Variants in FAM120AOS observed in about 807,000 individuals in gnomAD.
FAM120AOS encodes uncharacterized protein FAM120AOS.
A neutral mutation model predicts 20.2 loss-of-function variants in FAM120AOS; 15 were observed. The observed-to-expected ratio is 0.74, with a 90% CI of 0.50 to 1.15. The LOEUF is 1.15. Ranked by LOEUF, FAM120AOS falls within the 50% of genes most tolerant of loss-of-function variation. FAM120AOS has a pLI of 0.00. For synonymous variants in FAM120AOS, 154 were observed against 154.0 expected, an observed-to-expected ratio of 1.00 and a Z score of 0.00; for missense variants, 327 against 351.9, an observed-to-expected ratio of 0.93 and a Z score of 0.57.
intron 2 of FAM120AOS, among the ~76,000 whole-genome samples, chr9:93,449,030 C>T (rs1410813665): frequency 6.6e-6 from 1 of 151,650 alleles, no homozygotes; most frequent in Admixed American, 6.6e-5. Context: ...AACATTTTGC[C>T]CACCATCAAT....
intron 2 of FAM120AOS, among the ~76,000 whole-genome samples, chr9:93,449,843 C>T (rs1290713727): frequency 2.6e-5 from 4 of 152,076 alleles, no homozygotes; most frequent in South Asian, 4.2e-4. Flanking sequence ...GGTAAATACA[C>T]GGAATGCAAT....
rs1427915709 is a variant in FAM120AOS, at chr9:93,443,921, A to C, written c.*3690T>G. Among the ~76,000 whole-genome samples the C allele has an allele frequency of 6.6e-6, 1 of 152,232 alleles. No individual in the cohort carries two copies. Among genetic ancestry groups the C allele is most frequent in the Non-Finnish European group, 1.5e-5 (1 of 68,034 alleles). On this transcript the variant is annotated 3_prime_UTR_variant, in exon 3 of 3. Transcript: ENST00000375412. ...TTGCCAAAAGGAACGCCCCTCAGGC[A>C]GAAAGCAGAGAGAGAAAAAAAGATG...
rs1205748745 is a variant in FAM120AOS, at chr9:93,446,996, G to A, written c.*615C>T. The A allele has an allele frequency of 6.6e-6, 1 of 152,568 alleles. No homozygotes were observed. Among genetic ancestry groups the A allele is most frequent in the African/African-American group, 2.4e-5 (1 of 41,458 alleles). The allele number at this position is 152,568 out of a possible 1,614,324, so 9.5% of individuals were successfully genotyped here. On this transcript the variant is annotated 3_prime_UTR_variant, in exon 3 of 3. Transcript: ENST00000375412. ...GTGCTTATGAAGCAGTATCCCTACT[G>A]ACAATGACCCTAGCTTAAGAGGGCT... is the stretch of plus-strand genomic sequence containing the variant.
At chr9:93,451,830 C>T (rs1215948677) in intron 1 of FAM120AOS, 2 of 967,266 alleles carry the variant, frequency 2.1e-6, no homozygotes, top group Non-Finnish European at 2.4e-6. Flanking sequence ...CGCCCCCGCC[C>T]GCCAGCCCGC....
Position 93,452,203 on chromosome 9 carries a change from C to T in FAM120AOS, c.507G>A (p.Leu169=), listed in dbSNP as rs1857268226. The part of the protein sequence containing the change: ...SCSRAFSSAP[L]KKTKSSMLPP... ...GCAACATCGAGCTCTTCGTCTTCTT[C>T]AACGGCGCGCTCGAGAAGGCCCGGC... is the stretch of plus-strand genomic sequence containing the variant. Residue 169 remains leucine, a synonymous_variant, in exon 1 of 3, where the codon TTG becomes TTA. Transcript: ENST00000375412. The surrounding 1 kb of genome is among the most constrained non-coding windows in gnomAD (Gnocchi z 7.0). 5 of 1,611,610 alleles carry T rather than the reference C, an allele frequency of 3.1e-6. No individual in the cohort carries two copies. Among genetic ancestry groups the T allele is most frequent in the Non-Finnish European group, 4.2e-6 (5 of 1,179,712 alleles).
rs71364380 is a variant in FAM120AOS, at chr9:93,445,583, GTTTTTTTTTTTTTTT to G, written c.*2013_*2027del. ...TTCTCCAACTTTCATAAAAATCGTT[GTTTTTTTTTTTTTTT>G]TTTTTTTTTGAGACAAGGCCTCACT... is the stretch of plus-strand genomic sequence containing the variant. On this transcript the variant is annotated 3_prime_UTR_variant, in exon 3 of 3. Coordinates refer to ENST00000375412, the MANE Select transcript of FAM120AOS (RefSeq NM_198841.4). Among the ~76,000 whole-genome samples, 1 of 80,098 alleles carries G rather than the reference GTTTTTTTTTTTTTTT, an allele frequency of 1.2e-5. No homozygotes were observed. The highest frequency in any genetic ancestry group is 2.2e-5 in the Non-Finnish European group (1 of 44,654). The allele number at this position is 80,098 out of a possible 152,430, so 52.5% of individuals were successfully genotyped here.
At chr9:93,451,249 A>C in intron 1 of FAM120AOS, 1 of 1,509,176 alleles carries the variant, frequency 6.6e-7, no homozygotes, top group South Asian at 1.2e-5. Flanking sequence ...CCCGACGAAC[A>C]GAGTGACTCG....
At position 93,447,287 on chromosome 9, in the gene FAM120AOS, T is replaced by G; in HGVS notation, c.*324A>C. The G allele has an allele frequency of 3.9e-6, 1 of 253,390 alleles. No homozygotes were observed. Among genetic ancestry groups the G allele is most frequent in the Non-Finnish European group, 7.7e-6 (1 of 130,224 alleles). The allele number at this position is 253,390 out of a possible 1,614,324, so 15.7% of individuals were successfully genotyped here. ...GTAGGTTGGGCTCCTTGAAGAAGGG[T>G]TATGTTTTCTTCATCTCCATATCCC... On this transcript the variant is annotated 3_prime_UTR_variant, in exon 3 of 3. Coordinates refer to ENST00000375412, the MANE Select transcript of FAM120AOS (RefSeq NM_198841.4).
rs1302518106 is a variant in FAM120AOS, at chr9:93,445,341, G to C, written c.*2270C>G. Among the ~76,000 whole-genome samples the C allele has an allele frequency of 6.6e-6, 1 of 152,096 alleles. No homozygotes were observed. The highest frequency in any genetic ancestry group is 1.5e-5 in the Non-Finnish European group (1 of 68,020). On this transcript the variant is annotated 3_prime_UTR_variant, in exon 3 of 3. Coordinates refer to ENST00000375412, the MANE Select transcript of FAM120AOS (RefSeq NM_198841.4). ...GGTGAGATCGTCAATCCAGGAACCTGTTTCCCCATATTAAAGTCAAAGGAA... is the reference window on the plus strand; with the variant it reads ...GGTGAGATCGTCAATCCAGGAACCTCTTTCCCCATATTAAAGTCAAAGGAA...
At chr9:93,447,727 A>G in intron 2 of FAM120AOS, 30 bp from the exon 3 acceptor site, 1 of 1,570,168 alleles carries the variant, frequency 6.4e-7, no homozygotes, top group Non-Finnish European at 8.7e-7. Flanking sequence ...GGTAGTTTAT[A>G]TATTAGTTTG....
At chr9:93,447,780 T>C in intron 2 of FAM120AOS, 83 bp from the exon 3 acceptor site, 3 of 1,207,436 alleles carry the variant, frequency 2.5e-6, no homozygotes, top group South Asian at 1.3e-5. Flanking sequence ...AGTCCGAATA[T>C]TGATCTCTGT....
Position 93,453,193 on chromosome 9 carries a change from T to A in FAM120AOS, c.-484A>T, listed in dbSNP as rs1054488737. ...CTACGCGGGCGTGAACTCGCAGGATTTATTTTTCGGGTGCACAGTAAGTAT... is the reference window on the plus strand; with the variant it reads ...CTACGCGGGCGTGAACTCGCAGGATATATTTTTCGGGTGCACAGTAAGTAT... On this transcript the variant is annotated 5_prime_UTR_variant, in exon 1 of 3. Transcript: ENST00000375412. 1.0e-6 allele frequency: 1 copy of A among 1,002,800 alleles called. No individual in the cohort carries two copies. 62.1% of individuals were successfully genotyped at this position (1,002,800 alleles called of 1,614,324 possible).
chr9:93,450,150 G>T (rs1403028223), intron 2 of FAM120AOS, among the ~76,000 whole-genome samples: 1 of 151,898 alleles, frequency 6.6e-6, no homozygotes, highest in East Asian at 1.9e-4. Context: ...CACCAGGCCC[G>T]CCTAATTTTT....
intron 1 of FAM120AOS, chr9:93,451,459 G>A: frequency 7.9e-6 from 9 of 1,145,332 alleles, no homozygotes; most frequent in African/African-American, 1.6e-5. Flanking sequence ...ACGGCCTCTG[G>A]CCTCCAGGCG....
In FAM120AOS at chr9:93,452,531, G is replaced by T. The variant is rs200709426; in HGVS notation, c.179C>A (p.Pro60Gln). ...HPRPSILQPG[P>Q]ARLSRARAGG... ...AGCCCTTGCCCGGGATAGCCTGGCCGGGCCGGGCTGCAAGATGGATGGCCG... is the reference window on the plus strand; with the variant it reads ...AGCCCTTGCCCGGGATAGCCTGGCCTGGCCGGGCTGCAAGATGGATGGCCG... The change falls in exon 1 of 3, where the codon CCG becomes CAG. Residue 60 changes from proline (P) to glutamine (Q), a missense_variant. By Grantham distance (76) the Pro-to-Gln change is moderately conservative. Coordinates refer to ENST00000375412, the MANE Select transcript of FAM120AOS (RefSeq NM_198841.4). The surrounding 1 kb of genome is among the most constrained non-coding windows in gnomAD (Gnocchi z 7.0). 1 of 1,561,578 alleles carries T rather than the reference G, an allele frequency of 6.4e-7. No individual in the cohort carries two copies. The highest frequency in any genetic ancestry group is 8.6e-7 in the Non-Finnish European group (1 of 1,159,438).
At chr9:93,453,581 T>TA (rs1857393932), upstream of FAM120AOS, 1 of 985,300 alleles carries the variant, frequency 1.0e-6, no homozygotes, top group Non-Finnish European at 1.2e-6. Context: ...TAGTTAAGCC[T>TA]AAAATGATAG....
rs374794862 is a variant in FAM120AOS at position 93,452,186 on chromosome 9, G to C, written c.524C>G (p.Ser175Trp). 8.1e-6 allele frequency: 13 copies of C among 1,611,588 alleles called. No individual in the cohort carries two copies. Among genetic ancestry groups the C allele is most frequent in the African/African-American group, 4.0e-5 (3 of 74,776 alleles). Residue 175 changes from serine (S) to tryptophan (W), a missense_variant, in exon 1 of 3, where the codon TCG (serine) becomes TGG (tryptophan). Ser to Trp is a radical substitution (Grantham distance 177). Transcript: ENST00000375412. This position sits in a 1 kb window ranked among gnomAD's most constrained non-coding sequence, Gnocchi z 7.0. Reference sequence around the variant, plus strand: ...CAAGGCCTGCTTCGGCGGCAACATCGAGCTCTTCGTCTTCTTCAACGGCGC... The same window carrying C: ...CAAGGCCTGCTTCGGCGGCAACATCCAGCTCTTCGTCTTCTTCAACGGCGC... ...SSAPLKKTKSSMLPPKQALAS... is the reference protein window; with the variant it reads ...SSAPLKKTKSWMLPPKQALAS...
intron 2 of FAM120AOS, 101 bp downstream of exon 2, chr9:93,450,378 G>C: frequency 2.0e-6 from 3 of 1,475,550 alleles, no homozygotes; most frequent in Non-Finnish European, 1.8e-6. Flanking sequence ...GCTTTTAAAT[G>C]TAACTTCCTA....
intron 2 of FAM120AOS, chr9:93,448,440 C>T: frequency 4.4e-6 from 1 of 227,826 alleles, no homozygotes; most frequent in Non-Finnish European, 9.2e-6. Context: ...TTGCAGTGAG[C>T]TGAGAACACA....
Sources: allele counts gnomAD v4.1 joint callset (sites outside exome capture counted in the v4.1 genomes callset), GRCh38; gene constraint gnomAD v4.1.1; non-coding constraint Gnocchi (gnomAD v3.1); transcripts MANE v1.5; gene names NCBI Gene and HGNC (gene_info 2026-07-23, HGNC 2026-07-21).